The following ANKUB1 variants were observed in gnomAD, a reference collection of about 807,000 sequenced individuals.
ANKUB1 encodes the protein protein ANKUB1.
Under a neutral mutation model 49.3 loss-of-function variants are expected in ANKUB1, and 42 were observed. That is an observed-to-expected ratio of 0.85 (90% confidence interval 0.67 to 1.10). The LOEUF (loss-of-function observed/expected upper bound fraction) is 1.10, where lower values mean the gene tolerates loss of function less well. ANKUB1 is among the 50% of genes least tolerant of loss of function. The pLI, the probability that ANKUB1 is intolerant of heterozygous loss-of-function variation, is 0.00. For missense variants in ANKUB1, 613 were observed against 642.0 expected, an observed-to-expected ratio of 0.95 and a Z score of 0.49; for synonymous variants, 222 against 231.0, an observed-to-expected ratio of 0.96 and a Z score of 0.35.
At chr3:149,777,301 G>A (rs755219981) in intron 3 of ANKUB1, among the ~76,000 whole-genome samples, 4 of 152,098 alleles carry the variant, frequency 2.6e-5, no homozygotes, top group East Asian at 2.0e-4. Flanking sequence ...GTGAAACCCC[G>A]TCTCTACTAA....
intron 3 of ANKUB1, among the ~76,000 whole-genome samples, chr3:149,775,524 A>C (rs1559866128): frequency 6.6e-6 from 1 of 152,142 alleles, no homozygotes; most frequent in Non-Finnish European, 1.5e-5. Context: ...CCTAAAGGTT[A>C]GTAAAAGGAC....
rs1351794749 is a variant in ANKUB1 at position 149,780,388 on chromosome 3, C to G, written c.302G>C (p.Ser101Thr). ...VTQDTMPVMESISLLDKTVSD... is the reference protein window; with the variant it reads ...VTQDTMPVMETISLLDKTVSD... Reference sequence around the variant, plus strand: ...CACTGTTTTATCAAGAAGGGAAATGCTCTCCATTACTGGCATTGTGTCTTG... The same window carrying G: ...CACTGTTTTATCAAGAAGGGAAATGGTCTCCATTACTGGCATTGTGTCTTG... Residue 101 changes from serine to threonine, a missense_variant, in exon 3 of 6, where the codon AGC becomes ACC. Transcript: ENST00000446160. The G allele has an allele frequency of 6.4e-7, 1 of 1,552,114 alleles. No individual in the cohort carries two copies. Among genetic ancestry groups the G allele is most frequent in the Non-Finnish European group, 8.7e-7 (1 of 1,147,102 alleles).
At chr3:149,778,075 C>CTA (rs565433188) in intron 3 of ANKUB1, among the ~76,000 whole-genome samples, 48 of 152,272 alleles carry the variant, frequency 3.2e-4, no homozygotes, top group African/African-American at 1.1e-3. Context: ...ATCAAGGACT[C>CTA]TTTTTACCTT....
intron 1 of ANKUB1, 113 bp downstream of exon 1, chr3:149,792,164 T>A (rs1424848729): frequency 1.7e-6 from 1 of 603,508 alleles, no homozygotes; most frequent in African/African-American, 1.9e-5. Context: ...TAGTTTTCGT[T>A]CCCTGTTTGC....
At chr3:149,770,110 A>G (rs1717263453) in intron 4 of ANKUB1, among the ~76,000 whole-genome samples, 1 of 152,120 alleles carries the variant, frequency 6.6e-6, no homozygotes, top group African/African-American at 2.4e-5. Context: ...GATTTTCTTA[A>G]TATTTTCTTT....
At chr3:149,780,984 C>A (rs938374280) in intron 2 of ANKUB1, among the ~76,000 whole-genome samples, 2 of 146,856 alleles carry the variant, frequency 1.4e-5, no homozygotes, top group Non-Finnish European at 3.0e-5. Flanking sequence ...TATTATTTAT[C>A]TTTCTTGTCT....
At position 149,786,191 on chromosome 3, in the gene ANKUB1, G is replaced by A. The variant is rs536611807; in HGVS notation, c.234+4590C>T. 5.9e-5 allele frequency among the ~76,000 whole-genome samples: 9 copies of A among 152,138 alleles called. No individual in the cohort carries two copies. The East Asian group carries it at 7.8e-4, about 13-fold the overall frequency. On this transcript the variant is annotated intron_variant, in intron 2 of 5. Coordinates refer to ENST00000446160, the MANE Select transcript of ANKUB1 (RefSeq NM_001144960.3). ...GCTGGGACTACAGGCACCCGCCAACGCGCCCGGCTAATTTTTTGTACTTTT... is the reference window on the plus strand; with the variant it reads ...GCTGGGACTACAGGCACCCGCCAACACGCCCGGCTAATTTTTTGTACTTTT...
At chr3:149,774,536 C>G (rs1311972841) in intron 3 of ANKUB1, among the ~76,000 whole-genome samples, 1 of 152,228 alleles carries the variant, frequency 6.6e-6, no homozygotes, top group African/African-American at 2.4e-5. Context: ...TCAGCTCTCT[C>G]TAGCCCTCCT....
At chr3:149,777,430 C>T (rs572467734) in intron 3 of ANKUB1, among the ~76,000 whole-genome samples, 70 of 152,256 alleles carry the variant, frequency 4.6e-4, no homozygotes, top group African/African-American at 1.6e-3. Flanking sequence ...TGAGGTCGTG[C>T]CACTGCACTC....
At chr3:149,777,289 G>T (rs139895646) in intron 3 of ANKUB1, among the ~76,000 whole-genome samples, 239 of 152,150 alleles carry the variant, frequency 1.6e-3, no homozygotes, top group African/African-American at 5.7e-3. Context: ...CTGGCCAACA[G>T]GGTGAAACCC....
At chr3:149,764,640 C>CTCTT (rs1341790828) in intron 5 of ANKUB1, among the ~76,000 whole-genome samples, 1 of 65,166 alleles carries the variant, frequency 1.5e-5, no homozygotes, top group Non-Finnish European at 3.2e-5. Flanking sequence ...CCCTTCCTCT[C>CTCTT]TCTTTCTTTC....
At chr3:149,778,093 T>A (rs925765048) in intron 3 of ANKUB1, among the ~76,000 whole-genome samples, 17 of 152,162 alleles carry the variant, frequency 1.1e-4, no homozygotes, top group African/African-American at 4.1e-4. Flanking sequence ...CTTCTAGTTT[T>A]AAAAAAGGTG....
intron 2 of ANKUB1, among the ~76,000 whole-genome samples, chr3:149,784,959 A>G (rs1338920069): frequency 6.6e-6 from 1 of 152,194 alleles, no homozygotes; most frequent in Non-Finnish European, 1.5e-5. Context: ...GTACTATTCT[A>G]AGCACTGGGT....
At chr3:149,790,957 A>G (rs1336910601) in intron 1 of ANKUB1, 33 bp from the exon 2 acceptor site, 1 of 1,541,114 alleles carries the variant, frequency 6.5e-7, no homozygotes, top group East Asian at 2.4e-5. Flanking sequence ...TGAAAACAGT[A>G]CATCCTTACG....
intron 5 of ANKUB1, chr3:149,764,087 G>A: frequency 2.2e-6 from 1 of 453,904 alleles, no homozygotes; most frequent in Admixed American, 2.4e-5. Flanking sequence ...TCCTGGCTAT[G>A]ACACTAGCTT....
Position 149,763,355 on chromosome 3 carries a change from T to C in ANKUB1, c.1506-1742A>G, listed in dbSNP as rs372574718. Among the ~76,000 whole-genome samples the C allele has an allele frequency of 4.3e-4, 66 of 152,348 alleles. 3 individuals carry two copies. In the South Asian group the frequency reaches 6.8e-3, roughly 16 times the overall value. On this transcript the variant is annotated intron_variant, in intron 5 of 5. Transcript: ENST00000446160. The stretch of plus-strand genomic sequence containing the variant: ...CCTGGCATTTGAAACCTGGCTTTTC[T>C]GCATTCATTCAAAAACTGTTTACCT...
rs61734227 is a variant in ANKUB1, at chr3:149,779,910, C to A, written c.451+329G>T. The A allele has an allele frequency of 4.4e-3, 1,283 of 291,320 alleles. 4 individuals carry two copies. Among genetic ancestry groups the A allele is most frequent in the Non-Finnish European group, 7.0e-3 (1,052 of 150,306 alleles). 18.0% of individuals were successfully genotyped at this position (291,320 alleles called of 1,614,324 possible). A position where few individuals can be genotyped will look rare whatever the true frequency, so the allele number is the denominator to read the frequency against. ...TCCATACTGAACTTACAGAGGTTTC[C>A]ATTTAGAAATAATGCCTCCATTTGT... is the stretch of plus-strand genomic sequence containing the variant. On this transcript the variant is annotated intron_variant, in intron 3 of 5. Coordinates refer to ENST00000446160, the MANE Select transcript of ANKUB1 (RefSeq NM_001144960.3).
At chr3:149,769,655 A>T (rs1717236355) in intron 4 of ANKUB1, among the ~76,000 whole-genome samples, 1 of 152,240 alleles carries the variant, frequency 6.6e-6, no homozygotes, top group African/African-American at 2.4e-5. Context: ...CTATATTATA[A>T]TGTACTGTTG....
At chr3:149,787,203 G>A (rs1718144051) in intron 2 of ANKUB1, among the ~76,000 whole-genome samples, 1 of 152,184 alleles carries the variant, frequency 6.6e-6, no homozygotes, top group Non-Finnish European at 1.5e-5. Context: ...TCCTATCCAT[G>A]AGCATGGAAT....
Sources: allele counts gnomAD v4.1 joint callset (sites outside exome capture counted in the v4.1 genomes callset), GRCh38; gene constraint gnomAD v4.1.1; transcripts MANE v1.5; gene names NCBI Gene and HGNC (gene_info 2026-07-23, HGNC 2026-07-21).